NF1: variants seen among roughly 807,000 people sequenced by gnomAD.
NF1 encodes neurofibromin.
In NF1, 122 loss-of-function variants were observed where a neutral mutation model predicts 325.7. The observed-to-expected ratio is 0.37, with a 90% CI of 0.32 to 0.44. NF1 has a LOEUF of 0.44. Among genes scored for constraint, NF1 ranks in the 20% least tolerant of loss-of-function variants. The pLI is 1.00. For synonymous variants in NF1, 1,091 were observed against 1,186.0 expected (o/e 0.92, Z 1.65); for missense variants, 2,140 against 3,415.4 (o/e 0.63, Z 9.31).
intron 1 of NF1, among the ~76,000 whole-genome samples, chr17:31,104,879 C>T (rs774205214): frequency 1.3e-5 from 2 of 152,242 alleles, no homozygotes; most frequent in East Asian, 1.9e-4. Flanking sequence ...ATATTCTCTG[C>T]ATATAACTGG....
intron 36 of NF1, among the ~76,000 whole-genome samples, chr17:31,274,485 C>T (rs2067964471): frequency 6.6e-6 from 1 of 152,024 alleles, no homozygotes; most frequent in Non-Finnish European, 1.5e-5. Context: ...TCATTTTTCC[C>T]CTGAATGAAT....
chr17:31,156,207 A>G (rs2065659523), intron 2 of NF1, 81 bp downstream of exon 2: 2 of 1,500,478 alleles, frequency 1.3e-6, no homozygotes, highest in Admixed American at 1.7e-5. Flanking sequence ...CATATTTTGA[A>G]GTATGGAAAG....
intron 1 of NF1, among the ~76,000 whole-genome samples, chr17:31,144,008 A>G (rs967638868): frequency 6.6e-5 from 10 of 152,138 alleles, no homozygotes; most frequent in Non-Finnish European, 1.2e-4. Flanking sequence ...TATTTTTAGT[A>G]GAGACAGGGT....
chr17:31,286,143 G>A (rs2068222935), intron 36 of NF1, among the ~76,000 whole-genome samples: 1 of 152,140 alleles, frequency 6.6e-6, no homozygotes, highest in African/African-American at 2.4e-5. Flanking sequence ...TGCCCAGGCT[G>A]GAGTGCATTG....
intron 1 of NF1, among the ~76,000 whole-genome samples, chr17:31,096,950 A>C (rs1911780474): frequency 1.3e-5 from 2 of 152,176 alleles, no homozygotes; most frequent in South Asian, 4.1e-4. Flanking sequence ...CTGTAATTTT[A>C]AGAAAGGATT....
At chr17:31,245,111 A>G (rs1357036532) in intron 29 of NF1, among the ~76,000 whole-genome samples, 1 of 152,168 alleles carries the variant, frequency 6.6e-6, no homozygotes. Context: ...ACCTGCTGCT[A>G]TGCTGACTCA....
intron 36 of NF1, among the ~76,000 whole-genome samples, chr17:31,310,630 C>A (rs1359440982): frequency 1.3e-5 from 2 of 152,112 alleles, no homozygotes; most frequent in Non-Finnish European, 2.9e-5. Context: ...TCCTTACCAT[C>A]CTCTCCCTTT....
intron 1 of NF1, among the ~76,000 whole-genome samples, chr17:31,117,390 C>T (rs183306728): frequency 1.1e-4 from 16 of 151,332 alleles, no homozygotes; most frequent in Middle Eastern, 3.4e-3. Context: ...TAGTGATTTG[C>T]GGCCAGGCGC....
At chr17:31,139,924 T>C (rs1916094786) in intron 1 of NF1, among the ~76,000 whole-genome samples, 1 of 152,206 alleles carries the variant, frequency 6.6e-6, no homozygotes. Flanking sequence ...TTGGTAGACT[T>C]GGAGAGACCA....
At chr17:31,180,265 C>A (rs2066103277) in intron 5 of NF1, among the ~76,000 whole-genome samples, 1 of 152,148 alleles carries the variant, frequency 6.6e-6, no homozygotes, top group Admixed American at 6.5e-5. Context: ...CATGGTCATA[C>A]CAAAACCTGG....
intron 36 of NF1, among the ~76,000 whole-genome samples, chr17:31,274,422 G>A (rs939685289): frequency 2.0e-5 from 3 of 152,116 alleles, no homozygotes; most frequent in Non-Finnish European, 4.4e-5. Flanking sequence ...AACATAAATG[G>A]CAGAAGTACA....
intron 2 of NF1, among the ~76,000 whole-genome samples, chr17:31,156,564 T>C (rs1453867865): frequency 6.6e-6 from 1 of 152,226 alleles, no homozygotes; most frequent in East Asian, 1.9e-4. Context: ...TATGATCTCA[T>C]AGTCCTAAAA....
intron 36 of NF1, among the ~76,000 whole-genome samples, chr17:31,266,775 T>C (rs2067797821): frequency 6.6e-6 from 1 of 151,874 alleles, no homozygotes; most frequent in African/African-American, 2.4e-5. Context: ...ATATTTGTAT[T>C]CCCTCTCTGT....
intron 27 of NF1, 22 bp from the exon 28 acceptor site, chr17:31,235,588 AC>A (rs763510911): frequency 7.4e-6 from 12 of 1,613,280 alleles, no homozygotes; most frequent in Admixed American, 6.7e-5. Flanking sequence ...GTTTGCACTA[AC>A]CTGATTTTGT....
At chr17:31,135,422 T>A (rs1053053585) in intron 1 of NF1, among the ~76,000 whole-genome samples, 30 of 152,214 alleles carry the variant, frequency 2.0e-4, no homozygotes, top group Non-Finnish European at 4.4e-5. Flanking sequence ...GTATGCTTTA[T>A]GTTTGTCTCT....
At chr17:31,135,680 G>A (rs574673130) in intron 1 of NF1, among the ~76,000 whole-genome samples, 1 of 152,070 alleles carries the variant, frequency 6.6e-6, no homozygotes, top group Non-Finnish European at 1.5e-5. Flanking sequence ...GATCCTCCCA[G>A]CTCAGCCTCC....
chr17:31,308,316 T>A (rs2068781484), intron 36 of NF1, among the ~76,000 whole-genome samples: 1 of 152,056 alleles, frequency 6.6e-6, no homozygotes, highest in Admixed American at 6.6e-5. Flanking sequence ...AATTTTTGTA[T>A]TTTTAGTAGA....
chr17:31,236,975 T>C (rs949241101), intron 29 of NF1, among the ~76,000 whole-genome samples: 6 of 152,232 alleles, frequency 3.9e-5, no homozygotes, highest in South Asian at 2.1e-4. Flanking sequence ...ATAGTGAACA[T>C]TTTATAAATA....
At chr17:31,245,738 T>A (rs550084930) in intron 29 of NF1, among the ~76,000 whole-genome samples, 1 of 152,310 alleles carries the variant, frequency 6.6e-6, no homozygotes, top group East Asian at 1.9e-4. Context: ...CACCTCTATG[T>A]GTTCGGCAAC....
Sources: allele counts gnomAD v4.1 joint callset (sites outside exome capture counted in the v4.1 genomes callset), GRCh38; gene constraint gnomAD v4.1.1; transcripts MANE v1.5; gene names NCBI Gene and HGNC (gene_info 2026-07-23, HGNC 2026-07-21).